ADAM17: variants seen among roughly 807,000 people sequenced by gnomAD.
The protein encoded by ADAM17 is disintegrin and metalloproteinase domain-containing protein 17.
Under a neutral mutation model 96.7 loss-of-function variants are expected in ADAM17, and 39 were observed. That is an observed-to-expected ratio of 0.40 (90% confidence interval 0.31 to 0.53). The LOEUF (loss-of-function observed/expected upper bound fraction) is 0.53, where lower values mean the gene tolerates loss of function less well. Among genes scored for constraint, ADAM17 ranks in the 20% least tolerant of loss-of-function variants. ADAM17 has a pLI of 0.44. For missense variants in ADAM17, 777 were observed against 1,013.2 expected, an observed-to-expected ratio of 0.77 and a Z score of 3.17; for synonymous variants, 344 against 359.2, an observed-to-expected ratio of 0.96 and a Z score of 0.48.
chr2:9,525,720 GA>G (rs1664498984), intron 6 of ADAM17, among the ~76,000 whole-genome samples: 1 of 152,052 alleles, frequency 6.6e-6, no homozygotes, highest in Non-Finnish European at 1.5e-5. Flanking sequence ...CTTCCTCTCT[GA>G]AATATACATA....
intron 10 of ADAM17, among the ~76,000 whole-genome samples, chr2:9,514,518 AATATATATATATATATATATAT>A (rs70948826): frequency 0.057 from 5,130 of 89,810 alleles, 338 homozygotes; most frequent in African/African-American, 0.11. Context: ...TTAAAATATA[AATATATATATATATATATATAT>A]ATATATATAT....
rs12995571 is a variant in ADAM17, at chr2:9,496,956, C to G, written c.1783+158G>C. 0.51 allele frequency among the ~76,000 whole-genome samples: 77,247 copies of G among 151,988 alleles called. 20,569 individuals are homozygous for G. Among genetic ancestry groups the G allele is most frequent in the Middle Eastern group, 0.67 (197 of 294 alleles). On this transcript the variant is annotated intron_variant, in intron 14 of 18. Transcript: ENST00000310823. ...TATGGTGGATCTGCATGCAGAGATG[C>G]CTGTCTCCAGACACCACCCTGCCCT... is the stretch of plus-strand genomic sequence containing the variant.
chr2:9,492,940 G>A lies in ADAM17; in HGVS notation c.2040C>T (p.Ser680=). ...TGCTGAAAGGAATCCAAAATATCAA[G>A]GAGAAAACCAGGACAGACCCAACGA... ...DNIVGSVLVF[S]LIFWIPFSIL... Residue 680 remains serine, a synonymous_variant, in exon 17 of 19, where the codon TCC becomes TCT. Transcript: ENST00000310823. The A allele has an allele frequency of 6.2e-7, 1 of 1,612,988 alleles. No individual in the cohort carries two copies. The highest frequency in any genetic ancestry group is 8.5e-7 in the Non-Finnish European group (1 of 1,179,390).
intron 13 of ADAM17, among the ~76,000 whole-genome samples, chr2:9,499,368 A>G (rs936365592): frequency 6.6e-6 from 1 of 152,016 alleles, no homozygotes; most frequent in African/African-American, 2.4e-5. Context: ...GCTTCTTTAA[A>G]GCTTGATTTA....
At chr2:9,546,138 T>C (rs1425792723) in intron 1 of ADAM17, among the ~76,000 whole-genome samples, 1 of 151,774 alleles carries the variant, frequency 6.6e-6, no homozygotes, top group Non-Finnish European at 1.5e-5. Flanking sequence ...AATACATATG[T>C]TATAATGTTA....
chr2:9,548,684 T>C (rs1665490738), intron 1 of ADAM17, among the ~76,000 whole-genome samples: 1 of 152,210 alleles, frequency 6.6e-6, no homozygotes, highest in South Asian at 2.1e-4. Context: ...TCCTTTGCAT[T>C]AAGTCATCAT....
chr2:9,502,823 G>A (rs1029159799), intron 12 of ADAM17, among the ~76,000 whole-genome samples: 4 of 143,954 alleles, frequency 2.8e-5, no homozygotes, highest in African/African-American at 5.3e-5. Context: ...AGGTTGCAGT[G>A]AGCCGAGATC....
intron 10 of ADAM17, among the ~76,000 whole-genome samples, chr2:9,512,592 G>T (rs1038880319): frequency 6.6e-6 from 1 of 152,112 alleles, no homozygotes; most frequent in Non-Finnish European, 1.5e-5. Flanking sequence ...TAATCTGATT[G>T]TGGGTCCAGA....
intron 8 of ADAM17, among the ~76,000 whole-genome samples, chr2:9,518,876 A>T (rs1664188341): frequency 7.4e-6 from 1 of 136,040 alleles, no homozygotes; most frequent in South Asian, 2.4e-4. Context: ...AGCGTCTCCA[A>T]GTTTAAAAAA....
Position 9,527,972 on chromosome 2 carries a change from T to C in ADAM17, c.451-18A>G, listed in dbSNP as rs370714121. ...CAAAGTGGCTAAAACAGAAAATATA[T>C]ACGACTGAGATGGAAAACAATAATA... is the stretch of plus-strand genomic sequence containing the variant. On this transcript the variant is annotated intron_variant, in intron 4 of 18. Transcript: ENST00000310823. 4.2e-6 allele frequency: 6 copies of C among 1,442,492 alleles called. No homozygotes were observed. In the African/African-American group the frequency reaches 7.3e-5, roughly 17 times the overall value. The allele number at this position is 1,442,492 out of a possible 1,614,324, so 89.4% of individuals were successfully genotyped here.
intron 1 of ADAM17, among the ~76,000 whole-genome samples, chr2:9,549,954 T>A (rs1208989578): frequency 1.3e-5 from 2 of 152,128 alleles, no homozygotes; most frequent in South Asian, 4.1e-4. Context: ...GTACGAAAAG[T>A]TCCCCCAAAA....
intron 2 of ADAM17, 65 bp from the exon 3 acceptor site, chr2:9,536,893 T>G: frequency 6.5e-7 from 1 of 1,534,738 alleles, no homozygotes; most frequent in Non-Finnish European, 8.9e-7. Context: ...TTTCACATAA[T>G]TAAACTTTCT....
chr2:9,511,062 T>C (rs1663705702), intron 10 of ADAM17, among the ~76,000 whole-genome samples: 1 of 152,148 alleles, frequency 6.6e-6, no homozygotes, highest in Non-Finnish European at 1.5e-5. Context: ...CTGTAGTTAA[T>C]TGTCCAGCCT....
rs556949498 is a variant in ADAM17 at position 9,507,681 on chromosome 2, G to A, written c.1344+2298C>T. Among the ~76,000 whole-genome samples the A allele has an allele frequency of 5.9e-5, 9 of 151,990 alleles. No homozygotes were observed. The South Asian group carries it at 1.9e-3, about 32-fold the overall frequency. On this transcript the variant is annotated intron_variant, in intron 11 of 18. Transcript: ENST00000310823. ...AGACTGGCAGCTCCAGAAAAAAAAA[G>A]TTCTTCCCAGGCCCCATTCTCATTA...
intron 1 of ADAM17, among the ~76,000 whole-genome samples, chr2:9,554,510 G>A (rs762678986): frequency 6.6e-6 from 1 of 151,910 alleles, no homozygotes; most frequent in Non-Finnish European, 1.5e-5. Flanking sequence ...TACAATTTCT[G>A]TCCACTAAAT....
At chr2:9,513,732 T>A (rs960363429) in intron 10 of ADAM17, among the ~76,000 whole-genome samples, 1 of 151,834 alleles carries the variant, frequency 6.6e-6, no homozygotes, top group Non-Finnish European at 1.5e-5. Flanking sequence ...AAAAAATAAA[T>A]TTAGAAATTA....
In ADAM17 at chr2:9,535,876, A is replaced by G. The variant is rs538546425; in HGVS notation, c.408T>C (p.Val136=). ...CCCCATCTGTGTTGATTCTGATTAT[A>G]ACATCATCATCTCTTATGTGGGCTA... ...RVLAHIRDDD[V]IIRINTDGAE... Residue 136 remains valine (V), a synonymous_variant, in exon 4 of 19, where the codon GTT becomes GTC. Transcript: ENST00000310823. 11 of 1,605,934 alleles carry G rather than the reference A, an allele frequency of 6.8e-6. No individual in the cohort carries two copies. In the Admixed American group the frequency reaches 1.0e-4, roughly 15 times the overall value.
At chr2:9,535,474 G>A (rs1664923396) in intron 4 of ADAM17, among the ~76,000 whole-genome samples, 1 of 152,144 alleles carries the variant, frequency 6.6e-6, no homozygotes, top group Non-Finnish European at 1.5e-5. Flanking sequence ...CATTTCCAGT[G>A]TGTCTAGCAG....
At chr2:9,491,061 A>G (rs1229964217) in intron 18 of ADAM17, 40 bp downstream of exon 18, 3 of 1,584,992 alleles carry the variant, frequency 1.9e-6, no homozygotes, top group Non-Finnish European at 2.6e-6. Flanking sequence ...AGGGCCTCAG[A>G]CCAGGCGAAG....
Sources: gnomAD v4.1 joint callset for allele counts (sites outside exome capture counted in the v4.1 genomes callset) on GRCh38, gnomAD v4.1.1 for gene constraint, MANE v1.5 for transcripts, NCBI Gene and HGNC (gene_info 2026-07-23, HGNC 2026-07-21) for gene names.